Variants in A2M observed in about 807,000 individuals in gnomAD.
A2M encodes C3 and PZP-like alpha-2-macroglobulin domain-containing protein 5.
A2M carries 128 observed loss-of-function variants against 183.9 expected under a neutral mutation model. The observed-to-expected ratio is 0.70, with a 90% CI of 0.60 to 0.81. The LOEUF (loss-of-function observed/expected upper bound fraction) is 0.81, where lower values mean the gene tolerates loss of function less well. A2M is among the 30% of genes least tolerant of loss of function. The probability of loss-of-function intolerance (pLI) is 0.00; values close to 1 mark genes in which losing one functional copy is unlikely to be tolerated. For synonymous variants in A2M, 592 were observed against 670.8 expected, an observed-to-expected ratio of 0.88 and a Z score of 1.81; for missense variants, 1,495 against 1,787.6, an observed-to-expected ratio of 0.84 and a Z score of 2.95.
intron 22 of A2M, among the ~76,000 whole-genome samples, chr12:9,087,267 T>C (rs1181896370): frequency 1.3e-5 from 2 of 152,130 alleles, no homozygotes; most frequent in Admixed American, 1.3e-4. Flanking sequence ...ATCATAAGTG[T>C]CATCAACAGA....
chr12:9,095,681 T>C lies in A2M; in HGVS notation c.1871A>G (p.Glu624Gly). ...SASSVYNLLP[E>G]KDLTGFPGPL... ...CCCAGGGAAGCCAGTGAGGTCCTTT[T>C]CTGGTAGCAGGTTGTAAACCTGTAC... Residue 624 changes from glutamate (E) to glycine (G), a missense_variant, in exon 16 of 36, where the codon GAA (glutamate) becomes GGA (glycine). Coordinates refer to ENST00000318602, the MANE Select transcript of A2M (RefSeq NM_000014.6). 6.2e-7 allele frequency: 1 copy of C among 1,612,482 alleles called. No homozygotes were observed. The highest frequency in any genetic ancestry group is 8.5e-7 in the Non-Finnish European group (1 of 1,179,406).
chr12:9,067,845 A>C lies in A2M; in HGVS notation c.4409-6T>G. 1 of 1,612,032 alleles carries C rather than the reference A, an allele frequency of 6.2e-7. No homozygotes were observed. Among genetic ancestry groups the C allele is most frequent in the Non-Finnish European group, 8.5e-7 (1 of 1,179,058 alleles). On this transcript the variant is annotated splice_region_variant and splice_polypyrimidine_tract_variant and intron_variant, in intron 35 of 35. Transcript: ENST00000318602. Reference sequence around the variant, plus strand: ...TCTTCAAGCATTTCCAAGATCTGTGACATTGGAAAGAAAAAAAATTAAGAC... The same window carrying C: ...TCTTCAAGCATTTCCAAGATCTGTGCCATTGGAAAGAAAAAAAATTAAGAC...
chr12:9,072,329 G>A (rs371643174), intron 31 of A2M, 30 bp downstream of exon 31: 1 of 1,611,094 alleles, frequency 6.2e-7, no homozygotes, highest in Non-Finnish European at 8.5e-7. Flanking sequence ...GTTATTCTTA[G>A]GATTAGGTGA....
At chr12:9,113,200 G>T (rs2477) in intron 2 of A2M, among the ~76,000 whole-genome samples, 160 bp downstream of exon 2, 4,302 of 150,554 alleles carry the variant, frequency 0.029, 88 homozygotes, top group Non-Finnish European at 0.042. Flanking sequence ...CATGGCTGGA[G>T]AGTCATGCAT....
At chr12:9,102,276 C>T (rs1937926473) in intron 11 of A2M, among the ~76,000 whole-genome samples, 1 of 152,100 alleles carries the variant, frequency 6.6e-6, no homozygotes, top group South Asian at 2.1e-4. Context: ...AGTACAGTGG[C>T]ACAATCTTGG....
rs768449504 is a variant in A2M, at chr12:9,109,345, T to A, written c.734A>T (p.Glu245Val). The change falls in exon 7 of 36, where the codon GAG (glutamate) becomes GTG (valine). Residue 245 changes from glutamate to valine, a missense_variant. Transcript: ENST00000318602. ...CAGGCCACACACTGATACATTCATC[T>A]CTTCTTCCAAGATGGTGATTATCTT... Reference protein sequence around the residue: ...VPKIITILEEEMNVSVCGLYT... With the variant: ...VPKIITILEEVMNVSVCGLYT... The A allele has an allele frequency of 1.9e-6, 3 of 1,613,328 alleles. No individual in the cohort carries two copies. The highest frequency in any genetic ancestry group is 2.5e-6 in the Non-Finnish European group (3 of 1,179,410).
Position 9,068,176 on chromosome 12 carries a change from G to A in A2M, c.4408+7C>T. ...GACTGCCTTTTGGAGGAGTGTGAGT[G>A]GCTTACCTTTGCTGCAAGGAGCATT... On this transcript the variant is annotated splice_region_variant and intron_variant, in intron 35 of 35. Coordinates refer to ENST00000318602, the MANE Select transcript of A2M (RefSeq NM_000014.6). 6.2e-7 allele frequency: 1 copy of A among 1,611,786 alleles called. No individual in the cohort carries two copies. The highest frequency in any genetic ancestry group is 8.5e-7 in the Non-Finnish European group (1 of 1,179,426).
chr12:9,091,402 T>C lies in A2M; in HGVS notation c.2268A>G (p.Val756=). ...VNSAGVAEVG[V]TVPDTITEWK... ...ACTCGGTGATGGTGTCAGGGACTGT[T>C]ACTCCTACCTCAGCCACACCTGCTG... Residue 756 remains valine, a synonymous_variant, in exon 19 of 36, where the codon GTA becomes GTG. Coordinates refer to ENST00000318602, the MANE Select transcript of A2M (RefSeq NM_000014.6). The C allele has an allele frequency of 2.5e-6, 4 of 1,614,190 alleles. No homozygotes were observed. The highest frequency in any genetic ancestry group is 3.4e-6 in the Non-Finnish European group (4 of 1,180,038).
At chr12:9,084,528 A>G (rs1948999362) in intron 22 of A2M, among the ~76,000 whole-genome samples, 1 of 152,136 alleles carries the variant, frequency 6.6e-6, no homozygotes, top group African/African-American at 2.4e-5. Context: ...CAAGGCAAAA[A>G]TCTTTAATAG....
At position 9,069,740 on chromosome 12, in the gene A2M, C is replaced by T; in HGVS notation, c.4263+5G>A. 1.2e-6 allele frequency: 2 copies of T among 1,609,138 alleles called. No individual in the cohort carries two copies. Among genetic ancestry groups the T allele is most frequent in the Non-Finnish European group, 1.7e-6 (2 of 1,176,552 alleles). ...TTTTTGCAAATAGACTGGAAGTTCT[C>T]TTACCTTATCAAGGTAAATCAAGAC... On this transcript the variant is annotated splice_donor_5th_base_variant and intron_variant, in intron 33 of 35. Coordinates refer to ENST00000318602, the MANE Select transcript of A2M (RefSeq NM_000014.6).
chr12:9,090,586 C>T (rs1384389918), intron 19 of A2M, 104 bp from the exon 20 acceptor site: 1 of 1,230,200 alleles, frequency 8.1e-7, no homozygotes, highest in South Asian at 1.4e-5. Context: ...CAGGTTGCCT[C>T]ACATTAAAGA....
rs1242611255 is a variant in A2M, at chr12:9,095,082, G to A, written c.2016C>T (p.Asp672=). The A allele has an allele frequency of 9.8e-6, 15 of 1,528,804 alleles. No individual in the cohort carries two copies. Among genetic ancestry groups the A allele is most frequent in the Non-Finnish European group, 1.3e-5 (15 of 1,122,158 alleles). The allele number at this position is 1,528,804 out of a possible 1,614,324, so 94.7% of individuals were successfully genotyped here. ...NEKDMYSFLE[D]MGLKAFTNSK... ...AGTTGGTGAATGCCTTTAAGCCCAT[G>A]TCCTGCAAAGAAAATTATCATCTAA... The change falls in exon 17 of 36, where the codon GAC becomes GAT. Residue 672 remains aspartate (D), a splice_region_variant and synonymous_variant. Transcript: ENST00000318602.
chr12:9,068,209 G>A lies in A2M; in HGVS notation c.4382C>T (p.Ala1461Val). The A allele has an allele frequency of 1.2e-6, 2 of 1,609,668 alleles. No homozygotes were observed. The highest frequency in any genetic ancestry group is 1.7e-6 in the Non-Finnish European group (2 of 1,179,326). Residue 1461 changes from alanine (A) to valine (V), a missense_variant, in exon 35 of 36, where the codon GCT (alanine) becomes GTT (valine). Transcript: ENST00000318602. The part of the protein sequence containing the change: ...DYYETDEFAI[A>V]EYNAPCSKDL... ...TTTGCTGCAAGGAGCATTGTACTCAGCAATTGCAAACTCATCTGAAAAAAA... is the reference window on the plus strand; with the variant it reads ...TTTGCTGCAAGGAGCATTGTACTCAACAATTGCAAACTCATCTGAAAAAAA...
At position 9,072,489 on chromosome 12, in the gene A2M, A is replaced by G. The variant is rs111622869; in HGVS notation, c.3976-3T>C. The G allele has an allele frequency of 1.3e-5, 21 of 1,608,512 alleles. No individual in the cohort carries two copies. Among genetic ancestry groups the G allele is most frequent in the Middle Eastern group, 1.7e-4 (1 of 5,772 alleles). ...AGAATATTGTATTTCAAGGATGTCT[A>G]TAGAACATCAAAGACAAAATCAGTT... On this transcript the variant is annotated splice_region_variant and splice_polypyrimidine_tract_variant and intron_variant, in intron 30 of 35. Transcript: ENST00000318602.
chr12:9,091,260 G>A lies in A2M; in HGVS notation c.2410C>T (p.Arg804Cys), dbSNP rs371833942. 1.2e-5 allele frequency: 19 copies of A among 1,614,008 alleles called. No homozygotes were observed. The highest frequency in any genetic ancestry group is 1.4e-5 in the Non-Finnish European group (17 of 1,180,032). ...GCCTTGAGTGTGAAGGCCTCTCCACGAATCACAGAGTAAGGCATTGTGAGC... is the reference window on the plus strand; with the variant it reads ...GCCTTGAGTGTGAAGGCCTCTCCACAAATCACAGAGTAAGGCATTGTGAGC... ...VELTMPYSVIRGEAFTLKATV... is the reference protein window; with the variant it reads ...VELTMPYSVICGEAFTLKATV... The change falls in exon 19 of 36, where the codon CGT becomes TGT. Residue 804 changes from arginine to cysteine, a missense_variant. Coordinates refer to ENST00000318602, the MANE Select transcript of A2M (RefSeq NM_000014.6).
intron 25 of A2M, among the ~76,000 whole-genome samples, chr12:9,078,377 T>A (rs1303235513): frequency 1.3e-5 from 2 of 152,252 alleles, no homozygotes; most frequent in Non-Finnish European, 2.9e-5. Flanking sequence ...ATTTCATTTC[T>A]TTTTATTGCT....
In A2M at chr12:9,086,075, A is replaced by C. The variant is rs139094143; in HGVS notation, c.2770+3125T>G. ...AGGTTCTACTTATCATTTAAAAAGA[A>C]TGAATACCAATCCTTCTCAAACTCT... On this transcript the variant is annotated intron_variant, in intron 22 of 35. Coordinates refer to ENST00000318602, the MANE Select transcript of A2M (RefSeq NM_000014.6). Among the ~76,000 whole-genome samples, 10 of 152,354 alleles carry C rather than the reference A, an allele frequency of 6.6e-5. 1 individual carries two copies. Among genetic ancestry groups the C allele is most frequent in the African/African-American group, 2.4e-4 (10 of 41,588 alleles).
chr12:9,103,204 A>G (rs1323732479), intron 11 of A2M, among the ~76,000 whole-genome samples: 2 of 152,224 alleles, frequency 1.3e-5, no homozygotes, highest in African/African-American at 4.8e-5. Context: ...CTAACAGTTA[A>G]AGGGGGCTTA....
chr12:9,106,867 T>G (rs2137930723), intron 8 of A2M, among the ~76,000 whole-genome samples: 3 of 152,346 alleles, frequency 2.0e-5, no homozygotes, highest in Middle Eastern at 6.8e-3. Context: ...AGGAGTAATT[T>G]TTTTTGTACA....
Sources: gnomAD v4.1 joint callset for allele counts (sites outside exome capture counted in the v4.1 genomes callset) on GRCh38, gnomAD v4.1.1 for gene constraint, MANE v1.5 for transcripts, NCBI Gene and HGNC (gene_info 2026-07-23, HGNC 2026-07-21) for gene names.